FMN1: variants seen among roughly 807,000 people sequenced by gnomAD.
FMN1 encodes the protein formin-1.
In FMN1, 110 loss-of-function variants were observed where a neutral mutation model predicts 132.4. The observed-to-expected ratio is 0.83, with a 90% CI of 0.71 to 0.97. The LOEUF (loss-of-function observed/expected upper bound fraction) is 0.97. FMN1 is among the 50% of genes least tolerant of loss of function. FMN1 has a pLI of 0.00. For synonymous variants in FMN1, 722 were observed against 651.7 expected (o/e 1.11, Z -1.64); for missense variants, 1,792 against 1,705.3 (o/e 1.05, Z -0.90).
intron 12 of FMN1, among the ~76,000 whole-genome samples, chr15:32,903,029 C>G (rs1352222666): frequency 6.6e-6 from 1 of 152,200 alleles, no homozygotes; most frequent in Admixed American, 6.5e-5. Context: ...AAAGCTGAAG[C>G]CTACTTCTTT....
Position 32,770,409 on chromosome 15 carries a change from CAT to C in FMN1, c.*3899_*3900del, listed in dbSNP as rs35005255. The C allele has an allele frequency of 0.71, 107,987 of 151,846 alleles. 39,730 individuals carry two copies. The highest frequency in any genetic ancestry group is 0.8 in the Non-Finnish European group (54,277 of 67,934). The allele number at this position is 151,846 out of a possible 1,614,324, so 9.4% of individuals were successfully genotyped here. On this transcript the variant is annotated 3_prime_UTR_variant, in exon 21 of 21. Transcript: ENST00000616417. ...ATGAAAATTTCTCTGTTGCAAACAT[CAT>C]AGAGAAAATGTGCAATCCCAGGCCA... is the stretch of plus-strand genomic sequence containing the variant.
At chr15:32,881,087 A>G (rs575290455) in intron 16 of FMN1, among the ~76,000 whole-genome samples, 5 of 100,456 alleles carry the variant, frequency 5.0e-5, no homozygotes, top group African/African-American at 1.6e-4. Context: ...TATTTTTTGT[A>G]TATTTTGTAT....
intron 7 of FMN1, among the ~76,000 whole-genome samples, chr15:32,992,543 T>C (rs571004848): frequency 3.9e-5 from 6 of 152,276 alleles, no homozygotes; most frequent in Non-Finnish European, 2.9e-5. Context: ...CATATCTTAG[T>C]TTACAAACTT....
rs139548420 is a variant in FMN1, at chr15:33,134,924, C to T, written c.1867+18124G>A. Among the ~76,000 whole-genome samples the T allele has an allele frequency of 4.6e-5, 7 of 152,314 alleles. No individual in the cohort carries two copies. In the East Asian group the frequency reaches 1.4e-3, roughly 29 times the overall value. ...GGCTGAAGCAGGAGAATCGCTTGAA[C>T]CTGGAAGGTGGAGGTTGCAGTGAGC... On this transcript the variant is annotated intron_variant, in intron 4 of 20. Transcript: ENST00000616417.
intron 17 of FMN1, among the ~76,000 whole-genome samples, chr15:32,838,624 T>C (rs574669506): frequency 6.6e-6 from 1 of 152,308 alleles, no homozygotes; most frequent in Non-Finnish European, 1.5e-5. Flanking sequence ...AAAAATCTCC[T>C]GCAACTGGGT....
At chr15:33,100,324 TTAAGA>T (rs1242951305) in intron 4 of FMN1, among the ~76,000 whole-genome samples, 5 of 151,888 alleles carry the variant, frequency 3.3e-5, no homozygotes, top group Admixed American at 2.6e-4. Context: ...CATATCAATA[TTAAGA>T]TAACACAGGG....
At chr15:33,082,020 G>GGGGGGGT (rs1355703560) in intron 5 of FMN1, among the ~76,000 whole-genome samples, 3 of 117,762 alleles carry the variant, frequency 2.5e-5, no homozygotes, top group African/African-American at 1.0e-4. Context: ...AGAGTTCAGG[G>GGGGGGGT]GTGTGTGTGT....
chr15:32,965,690 G>A (rs1402684072), intron 8 of FMN1, among the ~76,000 whole-genome samples: 1 of 152,108 alleles, frequency 6.6e-6, no homozygotes, highest in African/African-American at 2.4e-5. Flanking sequence ...CATGATATAT[G>A]ACATTTTGGT....
intron 4 of FMN1, among the ~76,000 whole-genome samples, chr15:33,122,192 A>AGTT (rs1962627200): frequency 6.6e-6 from 1 of 152,244 alleles, no homozygotes; most frequent in African/African-American, 2.4e-5. Context: ...AACCTAAAAG[A>AGTT]TTGAAAACTC....
chr15:33,006,792 GA>G (rs1188336561), intron 7 of FMN1, among the ~76,000 whole-genome samples: 1 of 152,104 alleles, frequency 6.6e-6, no homozygotes, highest in Non-Finnish European at 1.5e-5. Context: ...GCCAAGCACA[GA>G]AAGACATGGC....
At chr15:32,909,275 C>A (rs1008111993) in intron 11 of FMN1, among the ~76,000 whole-genome samples, 3 of 152,190 alleles carry the variant, frequency 2.0e-5, no homozygotes, top group African/African-American at 4.8e-5. Context: ...GAGGCTTGTA[C>A]TAAGCAACTG....
intron 17 of FMN1, among the ~76,000 whole-genome samples, chr15:32,814,115 C>T (rs1390075466): frequency 6.6e-6 from 1 of 152,156 alleles, no homozygotes; most frequent in Non-Finnish European, 1.5e-5. Flanking sequence ...GACTCATTAA[C>T]ATTAATGGGA....
intron 17 of FMN1, among the ~76,000 whole-genome samples, chr15:32,839,037 G>C (rs112185031): frequency 6.6e-6 from 1 of 152,096 alleles, no homozygotes; most frequent in African/African-American, 2.4e-5. Flanking sequence ...TGGACAAACA[G>C]TTCATTTCCC....
At chr15:33,019,155 A>AGCTGATTGGTCTGTTTTGACAGGGT (rs2035268736) in intron 6 of FMN1, among the ~76,000 whole-genome samples, 2 of 152,052 alleles carry the variant, frequency 1.3e-5, no homozygotes, top group Admixed American at 1.3e-4. Flanking sequence ...TTTTACAGAG[A>AGCTGATTGGTCTGTTTTGACAGGGT]GCTGATTGGT....
At chr15:32,927,761 C>T (rs2060999362) in intron 9 of FMN1, among the ~76,000 whole-genome samples, 1 of 152,156 alleles carries the variant, frequency 6.6e-6, no homozygotes, top group Non-Finnish European at 1.5e-5. Flanking sequence ...TCTCTTTCCT[C>T]TCATGTGGCA....
chr15:33,010,435 A>G (rs2034650481), intron 6 of FMN1, among the ~76,000 whole-genome samples: 1 of 152,118 alleles, frequency 6.6e-6, no homozygotes. Context: ...CATTAAGTTC[A>G]AGAAAAAGTA....
intron 10 of FMN1, among the ~76,000 whole-genome samples, chr15:32,913,490 A>G (rs1476821248): frequency 6.6e-6 from 1 of 151,976 alleles, no homozygotes; most frequent in South Asian, 2.1e-4. Flanking sequence ...CATGTTCTCC[A>G]TGCACCATGG....
rs73378974 is a variant in FMN1 at position 32,778,815 on chromosome 15, T to C, written c.4131-1896A>G. Among the ~76,000 whole-genome samples, 190 of 152,260 alleles carry C rather than the reference T, an allele frequency of 1.2e-3. 1 individual carries two copies. The highest frequency in any genetic ancestry group is 4.5e-3 in the African/African-American group (187 of 41,556). ...GCAATTCTACTGCTAGGTACATAAATATATCTATAACTAAGAAAATTGAAA... is the reference window on the plus strand; with the variant it reads ...GCAATTCTACTGCTAGGTACATAAACATATCTATAACTAAGAAAATTGAAA... On this transcript the variant is annotated intron_variant, in intron 19 of 20. Transcript: ENST00000616417.
intron 7 of FMN1, among the ~76,000 whole-genome samples, chr15:32,972,947 C>T (rs1367713817): frequency 6.6e-6 from 1 of 152,138 alleles, no homozygotes; most frequent in African/African-American, 2.4e-5. Context: ...GTCAGCACAT[C>T]CAGAAACCTG....
Sources: gnomAD v4.1 joint callset for allele counts (sites outside exome capture counted in the v4.1 genomes callset) on GRCh38, gnomAD v4.1.1 for gene constraint, MANE v1.5 for transcripts, NCBI Gene and HGNC (gene_info 2026-07-23, HGNC 2026-07-21) for gene names.